Variants in PCNX1 observed in about 807,000 individuals in gnomAD.
The protein encoded by PCNX1 is pecanex-like protein 1.
In PCNX1, 78 loss-of-function variants were observed where a neutral mutation model predicts 242.2. The ratio of observed to expected loss-of-function variants is 0.32; its 90% CI spans 0.27 to 0.39. The LOEUF (loss-of-function observed/expected upper bound fraction) is 0.39, where lower values mean the gene tolerates loss of function less well. Among genes scored for constraint, PCNX1 ranks in the 10% least tolerant of loss-of-function variants. The pLI is 1.00. For missense variants in PCNX1, 2,581 were observed against 2,856.5 expected (o/e 0.90, Z 2.20); for synonymous variants, 1,024 against 1,032.9 (o/e 0.99, Z 0.17).
rs1026511364 is a variant in PCNX1, at chr14:71,064,820, A to C, written c.4852+7096A>C. ...ATGTGATGTTCCCCTCCCTGTGTCC[A>C]TGTGTTCTCACTGTTCGGCTCCCAC... is the stretch of plus-strand genomic sequence containing the variant. On this transcript the variant is annotated intron_variant, in intron 26 of 35. Transcript: ENST00000304743. Among the ~76,000 whole-genome samples, 4 of 151,950 alleles carry C rather than the reference A, an allele frequency of 2.6e-5. No homozygotes were observed. In the South Asian group the frequency reaches 6.2e-4, roughly 24 times the overall value.
At chr14:71,043,563 A>G (rs1050153148) in intron 19 of PCNX1, among the ~76,000 whole-genome samples, 1 of 133,426 alleles carries the variant, frequency 7.5e-6, no homozygotes, top group Non-Finnish European at 1.5e-5. Flanking sequence ...TTTAAGATCC[A>G]TCTTAAAGTT....
chr14:71,084,741 G>T (rs1252405300), intron 28 of PCNX1, among the ~76,000 whole-genome samples: 1 of 152,220 alleles, frequency 6.6e-6, no homozygotes, highest in Non-Finnish European at 1.5e-5. Context: ...CTGCTGTGCT[G>T]GCAGCAAGAA....
At chr14:70,938,495 G>A (rs1457126966) in intron 1 of PCNX1, among the ~76,000 whole-genome samples, 2 of 152,166 alleles carry the variant, frequency 1.3e-5, no homozygotes, top group East Asian at 3.8e-4. Context: ...TGATCATGGT[G>A]GATAAGCTTT....
intron 3 of PCNX1, among the ~76,000 whole-genome samples, chr14:70,964,538 C>T (rs1192878426): frequency 6.6e-6 from 1 of 152,090 alleles, no homozygotes; most frequent in Non-Finnish European, 1.5e-5. Flanking sequence ...TAACCCTGGG[C>T]TTTCTTCTTA....
At position 71,108,896 on chromosome 14, in the gene PCNX1, A is replaced by C. The variant is rs1566813854; in HGVS notation, c.6594A>C (p.Gln2198His). The C allele has an allele frequency of 1.2e-6, 2 of 1,614,236 alleles. No individual in the cohort carries two copies. Among genetic ancestry groups the C allele is most frequent in the African/African-American group, 1.3e-5 (1 of 75,068 alleles). ...TGCCTTCCTCCAGCAGCTCCAGCCA[A>C]AGCATCCCAGCCTGCAAACATCACA... ...HGLPSSSSSSQSIPACKHHTL... is the reference protein window; with the variant it reads ...HGLPSSSSSSHSIPACKHHTL... Residue 2198 changes from glutamine (Q) to histidine (H), a missense_variant, in exon 34 of 36, where the codon CAA becomes CAC. By Grantham distance (24) the Gln-to-His change is conservative. Transcript: ENST00000304743.
intron 7 of PCNX1, among the ~76,000 whole-genome samples, chr14:70,994,399 A>ATATATATATG: frequency 1.9e-4 from 5 of 25,686 alleles, no homozygotes; most frequent in Admixed American, 4.7e-4. Flanking sequence ...GGCTTAAGAT[A>ATATATATATG]TATATATATA....
At chr14:70,988,387 A>G (rs1273338035) in intron 6 of PCNX1, among the ~76,000 whole-genome samples, 180 bp from the exon 7 acceptor site, 1 of 152,262 alleles carries the variant, frequency 6.6e-6, no homozygotes, top group Non-Finnish European at 1.5e-5. Context: ...CTTTAAATAA[A>G]TGACAGATAC....
intron 27 of PCNX1, 89 bp from the exon 28 acceptor site, chr14:71,076,100 A>G (rs2061711676): frequency 1.3e-6 from 1 of 782,788 alleles, no homozygotes; most frequent in Non-Finnish European, 2.1e-6. Flanking sequence ...ATCATTATAA[A>G]TAATTGGAAT....
In PCNX1 at chr14:71,036,172, T is replaced by G; in HGVS notation, c.3867+15T>G. On this transcript the variant is annotated intron_variant, in intron 19 of 35. Coordinates refer to ENST00000304743, the MANE Select transcript of PCNX1 (RefSeq NM_014982.3). ...CAGTATTGCAGGTAAGGAATCATTT[T>G]CTCCTTTTATTTGTTTGTTTGTTTG... 1 of 1,492,130 alleles carries G rather than the reference T, an allele frequency of 6.7e-7. No homozygotes were observed. The highest frequency in any genetic ancestry group is 9.4e-7 in the Non-Finnish European group (1 of 1,068,772). The allele number at this position is 1,492,130 out of a possible 1,614,324, so 92.4% of individuals were successfully genotyped here. A position where few individuals can be genotyped will look rare whatever the true frequency, so the allele number is the denominator to read the frequency against.
At chr14:71,107,759 A>C (rs1030254299) in intron 33 of PCNX1, among the ~76,000 whole-genome samples, 2 of 152,232 alleles carry the variant, frequency 1.3e-5, no homozygotes, top group African/African-American at 4.8e-5. Flanking sequence ...TAGAAGTTGA[A>C]AGGGCAGTAA....
intron 11 of PCNX1, among the ~76,000 whole-genome samples, chr14:71,014,108 C>G (rs1177095751): frequency 1.3e-5 from 2 of 152,168 alleles, no homozygotes; most frequent in Non-Finnish European, 2.9e-5. Context: ...TAGTACATGT[C>G]CCTACCAGCC....
In PCNX1 at chr14:70,940,883, A is replaced by G. The variant is rs372259837; in HGVS notation, c.154-6032A>G. On this transcript the variant is annotated intron_variant, in intron 1 of 35. Transcript: ENST00000304743. Reference sequence around the variant, plus strand: ...TCACTTCATTTCATTCATTTGATCAATCACTGATACCCTTTCTTCCACTTG... The same window carrying G: ...TCACTTCATTTCATTCATTTGATCAGTCACTGATACCCTTTCTTCCACTTG... Among the ~76,000 whole-genome samples the G allele has an allele frequency of 5.9e-5, 9 of 151,748 alleles. No individual in the cohort carries two copies. The East Asian group carries it at 1.5e-3, about 26-fold the overall frequency.
intron 3 of PCNX1, among the ~76,000 whole-genome samples, chr14:70,965,873 T>C (rs1321210044): frequency 6.6e-6 from 1 of 152,120 alleles, no homozygotes; most frequent in Non-Finnish European, 1.5e-5. Flanking sequence ...GCACTTGTCA[T>C]AGAGAAGAAA....
chr14:70,997,167 T>G (rs1379448134), intron 8 of PCNX1, among the ~76,000 whole-genome samples: 2 of 152,152 alleles, frequency 1.3e-5, no homozygotes, highest in African/African-American at 4.8e-5. Context: ...GCTACTTGTT[T>G]TAGTTGTAAG....
rs768921147 is a variant in PCNX1, at chr14:71,102,142, G to T, written c.5742G>T (p.Arg1914=). Residue 1914 remains arginine, a synonymous_variant, in exon 31 of 36, where the codon CGG becomes CGT. Transcript: ENST00000304743. ...LANSPSLLAL[R]HVMDDGTNEY... ...ACTCTCCCTCCTTGCTTGCTCTGCG[G>T]CATGTCATGGATGATGGCACCAATG... The T allele has an allele frequency of 1.2e-5, 19 of 1,614,094 alleles. No homozygotes were observed. The highest frequency in any genetic ancestry group is 1.6e-5 in the Non-Finnish European group (19 of 1,179,958).
rs2058722858 is a variant in PCNX1 at position 70,977,599 on chromosome 14, C to A, written c.1262C>A (p.Pro421His). ...ESILSEHEES[P>H]KAGTKSGRKK... is the part of the protein sequence containing the mutation. ...ATCCTGTCAGAGCATGAGGAGTCTC[C>A]TAAAGCAGGAACAAAAAGTGGGAGG... The change falls in exon 6 of 36, where the codon CCT becomes CAT. Residue 421 changes from proline to histidine, a missense_variant. Coordinates refer to ENST00000304743, the MANE Select transcript of PCNX1 (RefSeq NM_014982.3). 1.9e-6 allele frequency: 3 copies of A among 1,613,972 alleles called. No homozygotes were observed. In the African/African-American group the frequency reaches 4.0e-5, roughly 22 times the overall value.
At chr14:71,019,292 A>G (rs757337333) in intron 12 of PCNX1, 130 bp downstream of exon 12, 2 of 706,788 alleles carry the variant, frequency 2.8e-6, no homozygotes, top group Non-Finnish European at 4.5e-6. Flanking sequence ...TTTACATAAG[A>G]TTGTGTAGAG....
chr14:71,112,954 A>ATAAC lies in PCNX1; in HGVS notation c.*3021_*3024dup, dbSNP rs1169988799. 2 of 152,150 alleles carry ATAAC rather than the reference A, an allele frequency of 1.3e-5. No individual in the cohort carries two copies. The highest frequency in any genetic ancestry group is 2.1e-4 in the South Asian group (1 of 4,834). The allele number at this position is 152,150 out of a possible 1,614,324, so 9.4% of individuals were successfully genotyped here. A position where few individuals can be genotyped will look rare whatever the true frequency, so the allele number is the denominator to read the frequency against. On this transcript the variant is annotated 3_prime_UTR_variant, in exon 36 of 36. Coordinates refer to ENST00000304743, the MANE Select transcript of PCNX1 (RefSeq NM_014982.3). ...TTCATTCAGTGGCAAAAAACATTTTATAACTCCTAAGTTTTTGGTTAATCT... is the reference window on the plus strand; with the variant it reads ...TTCATTCAGTGGCAAAAAACATTTTATAACTAACTCCTAAGTTTTTGGTTAATCT...
chr14:71,012,716 C>T, intron 10 of PCNX1: 1 of 363,022 alleles, frequency 2.8e-6, no homozygotes, highest in South Asian at 2.5e-5. Flanking sequence ...GCCTGTAATC[C>T]CAGCTGCTTG....
Sources: gnomAD v4.1 joint callset for allele counts (sites outside exome capture counted in the v4.1 genomes callset) on GRCh38, gnomAD v4.1.1 for gene constraint, MANE v1.5 for transcripts, NCBI Gene and HGNC (gene_info 2026-07-23, HGNC 2026-07-21) for gene names.